The following UROS variants were observed in gnomAD, a reference collection of about 807,000 sequenced individuals.
The protein encoded by UROS is uroporphyrinogen III synthase, also known as uroporphyrinogen-III synthase.
In UROS, 18 loss-of-function variants were observed where a neutral mutation model predicts 33.0. That is an observed-to-expected ratio of 0.55 (90% CI 0.38 to 0.81). The LOEUF (loss-of-function observed/expected upper bound fraction) is 0.81. Among genes scored for constraint, UROS ranks in the 30% least tolerant of loss-of-function variants. UROS has a pLI of 0.00. For synonymous variants in UROS, 114 were observed against 121.1 expected, an observed-to-expected ratio of 0.94 and a Z score of 0.38; for missense variants, 293 against 314.9, an observed-to-expected ratio of 0.93 and a Z score of 0.53.
downstream of UROS, chr10:125,785,714 G>T (rs1850616001): frequency 6.6e-6 from 1 of 152,232 alleles, no homozygotes; most frequent in Non-Finnish European, 1.5e-5. Flanking sequence ...AACATCTTCA[G>T]TTCTCACTGC....
At chr10:125,812,396 T>A in intron 4 of UROS, 108 bp from the exon 5 acceptor site, 1 of 948,714 alleles carries the variant, frequency 1.1e-6, no homozygotes, top group Non-Finnish European at 1.7e-6. Context: ...AGCAAACTAT[T>A]AGCAACCAAA....
In UROS at chr10:125,798,117, A is replaced by T. The variant is rs745335302; in HGVS notation, c.423T>A (p.Phe141Leu). 4 of 1,614,016 alleles carry T rather than the reference A, an allele frequency of 2.5e-6. No homozygotes were observed. In the South Asian group the frequency reaches 4.4e-5, roughly 18 times the overall value. The change falls in exon 7 of 10, where the codon TTT becomes TTA. Residue 141 changes from phenylalanine to leucine, a missense_variant. By Grantham distance (22) the Phe-to-Leu change is conservative. Transcript: ENST00000368797. ...TTTCTCTTTTGAGGTTTCCACAGGG[A>T]AATAGAAGAGGCAGTGCTGAGGACT... is the stretch of plus-strand genomic sequence containing the variant. Reference protein sequence around the residue: ...SRESSALPLLFPCGNLKREIL... With the variant: ...SRESSALPLLLPCGNLKREIL...
At chr10:125,802,645 C>T in intron 6 of UROS, 1 of 1,119,276 alleles carries the variant, frequency 8.9e-7, no homozygotes, top group Non-Finnish European at 1.1e-6. Flanking sequence ...CCACAGATTA[C>T]AGTCTCCTGA....
downstream of UROS, among the ~76,000 whole-genome samples, chr10:125,786,434 C>A (rs1289837910): frequency 6.6e-6 from 1 of 152,108 alleles, no homozygotes; most frequent in African/African-American, 2.4e-5. Context: ...CCCTCCACAT[C>A]TGGCTAATTC....
chr10:125,796,744 G>A (rs1851404535), intron 7 of UROS: 2 of 965,204 alleles, frequency 2.1e-6, no homozygotes, highest in Non-Finnish European at 1.2e-6. Flanking sequence ...TATTCCCAGG[G>A]GTTTTCAGGG....
intron 6 of UROS, among the ~76,000 whole-genome samples, chr10:125,803,713 G>A (rs569062480): frequency 1.3e-5 from 2 of 152,288 alleles, no homozygotes; most frequent in South Asian, 2.1e-4. Flanking sequence ...GTAAGGCCCC[G>A]TGCCTCAGGG....
chr10:125,806,323 C>T (rs1323911019), intron 6 of UROS, among the ~76,000 whole-genome samples: 1 of 152,162 alleles, frequency 6.6e-6, no homozygotes, highest in Non-Finnish European at 1.5e-5. Context: ...GGTATACTCT[C>T]TCCCTATACC....
rs778190960 is a variant in UROS at position 125,798,034 on chromosome 10, G to A, written c.475+31C>T. 3.1e-6 allele frequency: 5 copies of A among 1,611,426 alleles called. No homozygotes were observed. In the South Asian group the frequency reaches 3.3e-5, roughly 11 times the overall value. ...AAGGCTCCTGGTGGATCCCAAAGTG[G>A]TAAGGGATGCAGTCAAAGCATTCTA... is the stretch of plus-strand genomic sequence containing the variant. On this transcript the variant is annotated intron_variant, in intron 7 of 9. Coordinates refer to ENST00000368797, the MANE Select transcript of UROS (RefSeq NM_000375.3).
At chr10:125,819,917 T>C (rs745383418) in intron 1 of UROS, 2 of 152,182 alleles carry the variant, frequency 1.3e-5, no homozygotes, top group Non-Finnish European at 2.9e-5. Context: ...TACAGTCTAA[T>C]GCTTGCTCTG....
Position 125,801,237 on chromosome 10 carries a change from T to C in UROS, c.395-3092A>G, listed in dbSNP as rs559202239. Among the ~76,000 whole-genome samples, 8 of 152,290 alleles carry C rather than the reference T, an allele frequency of 5.3e-5. 1 individual carries two copies. The South Asian group carries it at 1.7e-3, about 32-fold the overall frequency. On this transcript the variant is annotated intron_variant, in intron 6 of 9. Transcript: ENST00000368797. ...AGATTTTCCCAATCCAGGAGGACATTTCAAATAAACTGCAGTGCAATCTTT... is the reference window on the plus strand; with the variant it reads ...AGATTTTCCCAATCCAGGAGGACATCTCAAATAAACTGCAGTGCAATCTTT...
At chr10:125,788,304 C>G (rs1265669910), downstream of UROS, among the ~76,000 whole-genome samples, 2 of 152,224 alleles carry the variant, frequency 1.3e-5, no homozygotes, top group Non-Finnish European at 2.9e-5. Flanking sequence ...ACCGGCCTCT[C>G]TAGCCCCTCA....
At chr10:125,815,259 C>T in intron 3 of UROS, 129 bp from the exon 4 acceptor site, 1 of 1,005,830 alleles carries the variant, frequency 9.9e-7, no homozygotes, top group East Asian at 2.6e-5. Flanking sequence ...CACCCATCCC[C>T]CCAACACTTA....
Position 125,789,110 on chromosome 10 carries a change from G to A in UROS, c.661-105C>T, listed in dbSNP as rs145810374. On this transcript the variant is annotated intron_variant, in intron 9 of 9. Transcript: ENST00000368797. ...CCGTCAGCCAGCTTTGCGGTTGGAC[G>A]TTACTGCTCATGTGACGTGTTTATA... The A allele has an allele frequency of 9.8e-4, 1,459 of 1,484,228 alleles. 25 individuals are homozygous for A. The East Asian group carries it at 0.03, about 30-fold the overall frequency. 91.9% of individuals were successfully genotyped at this position (1,484,228 alleles called of 1,614,324 possible).
At chr10:125,813,621 G>C (rs1312079711) in intron 4 of UROS, among the ~76,000 whole-genome samples, 1 of 152,168 alleles carries the variant, frequency 6.6e-6, no homozygotes, top group African/African-American at 2.4e-5. Flanking sequence ...GGGACTCCAG[G>C]CATGTGCCAC....
At chr10:125,798,989 A>G (rs1851592683) in intron 6 of UROS, among the ~76,000 whole-genome samples, 1 of 152,218 alleles carries the variant, frequency 6.6e-6, no homozygotes, top group African/African-American at 2.4e-5. Flanking sequence ...AAGACATAAG[A>G]AATTTTAATG....
At chr10:125,807,183 G>A (rs1852407338) in intron 6 of UROS, 2 of 565,562 alleles carry the variant, frequency 3.5e-6, no homozygotes, top group Admixed American at 3.0e-5. Flanking sequence ...TTTGTGTTAT[G>A]TTCAAGTCAA....
intron 8 of UROS, 140 bp from the exon 9 acceptor site, chr10:125,795,118 T>C (rs1385005259): frequency 2.7e-6 from 2 of 743,594 alleles, no homozygotes; most frequent in African/African-American, 3.5e-5. Flanking sequence ...CGGCTGATGC[T>C]GGCATCCTCT....
intron 1 of UROS, among the ~76,000 whole-genome samples, chr10:125,819,217 C>T (rs1480399919): frequency 2.0e-5 from 3 of 152,316 alleles, no homozygotes; most frequent in South Asian, 2.1e-4. Flanking sequence ...CTCTTAACCT[C>T]GTGATCCGGC....
chr10:125,786,600 A>T (rs11244647), downstream of UROS, among the ~76,000 whole-genome samples: 21 of 151,884 alleles, frequency 1.4e-4, no homozygotes, highest in East Asian at 4.1e-3. Flanking sequence ...GACCTCCCAG[A>T]CCCTCAGATT....
Sources: gnomAD v4.1 joint callset for allele counts (sites outside exome capture counted in the v4.1 genomes callset) on GRCh38, gnomAD v4.1.1 for gene constraint, MANE v1.5 for transcripts, NCBI Gene and HGNC (gene_info 2026-07-23, HGNC 2026-07-21) for gene names.